Variants in DOCK1 observed in about 807,000 individuals in gnomAD.
The protein encoded by DOCK1 is dedicator of cytokinesis 1, also known as dedicator of cytokinesis protein 1.
In DOCK1, 138 loss-of-function variants were observed where a neutral mutation model predicts 262.7. That is an observed-to-expected ratio of 0.53 (90% CI 0.46 to 0.61). The LOEUF (loss-of-function observed/expected upper bound fraction) is 0.61. Among genes scored for constraint, DOCK1 ranks in the 20% least tolerant of loss-of-function variants. DOCK1 has a pLI of 0.00. For missense variants in DOCK1, 1,908 were observed against 2,370.7 expected (o/e 0.80, Z 4.05); for synonymous variants, 866 against 867.4 (o/e 1.00, Z 0.03).
intron 29 of DOCK1, among the ~76,000 whole-genome samples, chr10:127,295,855 G>C (rs2061488416): frequency 6.6e-6 from 1 of 152,150 alleles, no homozygotes; most frequent in Non-Finnish European, 1.5e-5. Context: ...AAGGTGATGG[G>C]TGTAACTAGA....
At chr10:126,987,739 G>A (rs1278326335) in intron 5 of DOCK1, 122 bp downstream of exon 5, 14 of 933,310 alleles carry the variant, frequency 1.5e-5, no homozygotes, top group Non-Finnish European at 2.2e-5. Context: ...CCGAGACAGA[G>A]TTTTACTCGG....
At chr10:126,918,347 G>A (rs1169347437) in intron 1 of DOCK1, among the ~76,000 whole-genome samples, 2 of 152,250 alleles carry the variant, frequency 1.3e-5, no homozygotes, top group Admixed American at 6.5e-5. Flanking sequence ...TGCCGCTGCC[G>A]CTGCCTACTG....
At chr10:127,400,041 G>A (rs2134289209) in intron 38 of DOCK1, among the ~76,000 whole-genome samples, 1 of 152,298 alleles carries the variant, frequency 6.6e-6, no homozygotes, top group South Asian at 2.1e-4. Context: ...AGGGACCGTA[G>A]GCAGGATGTC....
chr10:127,173,510 TCTCAGGTTCTTCTTTGGGCA>T (rs1312715647), intron 27 of DOCK1, among the ~76,000 whole-genome samples: 14 of 152,184 alleles, frequency 9.2e-5, no homozygotes, highest in Non-Finnish European at 1.9e-4. Flanking sequence ...TGTTCAGCCC[TCTCAGGTTCTTCTTTGGGCA>T]CACACTCCTG....
intron 29 of DOCK1, among the ~76,000 whole-genome samples, chr10:127,292,413 A>T (rs1191880471): frequency 2.0e-5 from 3 of 152,084 alleles, no homozygotes; most frequent in Non-Finnish European, 4.4e-5. Flanking sequence ...CTCTTGCTTC[A>T]TGAGAAGTGG....
chr10:126,923,144 C>G (rs963961123), intron 1 of DOCK1, among the ~76,000 whole-genome samples: 4 of 152,166 alleles, frequency 2.6e-5, no homozygotes, highest in Admixed American at 1.3e-4. Context: ...GGGAACCATT[C>G]TTAGCTTATG....
At chr10:126,934,481 G>A (rs968720381) in intron 1 of DOCK1, among the ~76,000 whole-genome samples, 3 of 152,192 alleles carry the variant, frequency 2.0e-5, no homozygotes, top group African/African-American at 4.8e-5. Context: ...ACACTTGGTC[G>A]TTTAGAATCC....
intron 29 of DOCK1, among the ~76,000 whole-genome samples, chr10:127,265,342 G>T (rs1266789638): frequency 6.6e-6 from 1 of 151,968 alleles, no homozygotes; most frequent in Non-Finnish European, 1.5e-5. Flanking sequence ...GAGTTTGTGA[G>T]ATCATGTTGC....
intron 23 of DOCK1, among the ~76,000 whole-genome samples, chr10:127,080,700 G>T (rs2046850315): frequency 6.6e-6 from 1 of 152,110 alleles, no homozygotes; most frequent in African/African-American, 2.4e-5. Context: ...TCCTGAGTCT[G>T]CCTCTCAGCC....
Position 126,990,285 on chromosome 10 carries a change from C to T in DOCK1, c.325-170C>T, listed in dbSNP as rs141304555. On this transcript the variant is annotated intron_variant, in intron 5 of 51. Transcript: ENST00000623213. Reference sequence around the variant, plus strand: ...TTAATGTCGCATGGAAACCAAATTCCGTATAATATGTTTTAGTTTATGCTG... The same window carrying T: ...TTAATGTCGCATGGAAACCAAATTCTGTATAATATGTTTTAGTTTATGCTG... Among the ~76,000 whole-genome samples the T allele has an allele frequency of 3.3e-3, 509 of 152,218 alleles. 1 individual carries two copies. Among genetic ancestry groups the T allele is most frequent in the African/African-American group, 0.011 (465 of 41,546 alleles).
At position 126,923,701 on chromosome 10, in the gene DOCK1, C is replaced by T. The variant is rs115603683; in HGVS notation, c.46+18138C>T. Among the ~76,000 whole-genome samples, 1,298 of 152,336 alleles carry T rather than the reference C, an allele frequency of 8.5e-3. 31 individuals are homozygous for T. Among genetic ancestry groups the T allele is most frequent in the African/African-American group, 0.03 (1,247 of 41,586 alleles). On this transcript the variant is annotated intron_variant, in intron 1 of 51. Transcript: ENST00000623213. ...ACGGAGAAAGGAGCGCCATTCTCGG[C>T]ATCTCTCTCCATGTGCGATGGTCCG...
intron 30 of DOCK1, among the ~76,000 whole-genome samples, chr10:127,341,950 C>T (rs1369379184): frequency 6.6e-6 from 1 of 152,160 alleles, no homozygotes; most frequent in African/African-American, 2.4e-5. Context: ...TAAACACCAC[C>T]GTCACCACCA....
chr10:127,276,490 A>C (rs2489406), intron 29 of DOCK1, among the ~76,000 whole-genome samples: 151,960 of 152,242 alleles, frequency 1, 75,839 homozygotes, highest in Non-Finnish European at 1. Flanking sequence ...CCTGGAAGAC[A>C]AGGGCTCCTG....
At chr10:127,416,630 G>A (rs767958638) in intron 44 of DOCK1, among the ~76,000 whole-genome samples, 37 of 152,300 alleles carry the variant, frequency 2.4e-4, no homozygotes, top group South Asian at 4.1e-4. Flanking sequence ...TGCCCTCCTC[G>A]TGCCACCTGG....
chr10:127,016,979 GCA>G (rs148293973), intron 12 of DOCK1, among the ~76,000 whole-genome samples: 26,923 of 105,510 alleles, frequency 0.26, 2,890 homozygotes, highest in Middle Eastern at 0.38. Flanking sequence ...ACATACACAC[GCA>G]CACACACACA....
At chr10:127,127,882 T>G (rs1251008064) in intron 27 of DOCK1, 118 bp downstream of exon 27, 4 of 749,732 alleles carry the variant, frequency 5.3e-6, no homozygotes, top group African/African-American at 5.2e-5. Context: ...AGATACAGCT[T>G]GGTATATAAA....
At chr10:127,226,276 C>T (rs2058635083) in intron 27 of DOCK1, among the ~76,000 whole-genome samples, 1 of 152,060 alleles carries the variant, frequency 6.6e-6, no homozygotes, top group South Asian at 2.1e-4. Flanking sequence ...GATTTATACT[C>T]CTTAGCTCTA....
chr10:127,257,048 G>A (rs909835609), intron 28 of DOCK1, among the ~76,000 whole-genome samples: 6 of 152,344 alleles, frequency 3.9e-5, no homozygotes, highest in Admixed American at 3.9e-4. Context: ...GAAAGGGCTT[G>A]AATGCCTATT....
At chr10:126,969,796 T>A (rs536455258) in intron 1 of DOCK1, among the ~76,000 whole-genome samples, 1 of 152,148 alleles carries the variant, frequency 6.6e-6, no homozygotes, top group East Asian at 1.9e-4. Context: ...GCCAGAGGAG[T>A]TTGCACATGA....
Sources: allele counts gnomAD v4.1 joint callset (sites outside exome capture counted in the v4.1 genomes callset), GRCh38; gene constraint gnomAD v4.1.1; transcripts MANE v1.5; gene names NCBI Gene and HGNC (gene_info 2026-07-23, HGNC 2026-07-21).